Variants in CAMSAP2 observed in about 807,000 individuals in gnomAD.
CAMSAP2 encodes the protein calmodulin regulated spectrin associated protein family member 2.
CAMSAP2 carries 26 observed loss-of-function variants against 146.1 expected under a neutral mutation model. The observed-to-expected ratio is 0.18, with a 90% CI of 0.13 to 0.25. The LOEUF is 0.25. Ranked by LOEUF, CAMSAP2 falls within the 10% of genes least tolerant of loss-of-function variation. The pLI is 1.00. For missense variants in CAMSAP2, 1,381 were observed against 1,759.3 expected (o/e 0.78, Z 3.85); for synonymous variants, 499 against 596.6 (o/e 0.84, Z 2.38).
At chr1:200,835,238 G>T (rs1364349834) in intron 6 of CAMSAP2, among the ~76,000 whole-genome samples, 1 of 152,174 alleles carries the variant, frequency 6.6e-6, no homozygotes, top group African/African-American at 2.4e-5. Flanking sequence ...AAGAACTACA[G>T]AATGCAAGTG....
chr1:200,837,119 C>T (rs1334436554), intron 6 of CAMSAP2, among the ~76,000 whole-genome samples: 2 of 152,034 alleles, frequency 1.3e-5, no homozygotes, highest in African/African-American at 4.8e-5. Flanking sequence ...TCAATTTTTG[C>T]TTTTGTTGCA....
chr1:200,824,822 T>C (rs1666863401), intron 4 of CAMSAP2, among the ~76,000 whole-genome samples: 2 of 151,988 alleles, frequency 1.3e-5, no homozygotes, highest in African/African-American at 4.8e-5. Flanking sequence ...CTACCAAAAA[T>C]ACAAAAATTA....
chr1:200,853,403 GTCC>G lies in CAMSAP2; in HGVS notation c.3734_3736del (p.Pro1245del). On this transcript the variant is annotated inframe_deletion, in exon 13 of 17. Transcript: ENST00000358823. The surrounding 1 kb of genome is among the most constrained non-coding windows in gnomAD (Gnocchi z 5.1). The stretch of plus-strand genomic sequence containing the variant: ...GATATGGATACAGTAATTAAACCCC[GTCC>G]TCAAGTAGTAAAACAAAAAAAACAG... 1 of 1,613,730 alleles carries G rather than the reference GTCC, an allele frequency of 6.2e-7. No homozygotes were observed. The highest frequency in any genetic ancestry group is 1.1e-5 in the South Asian group (1 of 91,076).
At chr1:200,762,055 A>C (rs1277492806) in intron 2 of CAMSAP2, among the ~76,000 whole-genome samples, 1 of 152,230 alleles carries the variant, frequency 6.6e-6, no homozygotes, top group African/African-American at 2.4e-5. Flanking sequence ...TAAATCAAAG[A>C]GTAGTAGTTT....
At chr1:200,747,806 C>G (rs1257476342) in intron 1 of CAMSAP2, among the ~76,000 whole-genome samples, 1 of 152,014 alleles carries the variant, frequency 6.6e-6, no homozygotes, top group Non-Finnish European at 1.5e-5. Flanking sequence ...GTCAGGAGAT[C>G]GAGACCATCC....
chr1:200,846,008 A>AT (rs1667451399), intron 8 of CAMSAP2, among the ~76,000 whole-genome samples: 1 of 152,196 alleles, frequency 6.6e-6, no homozygotes, highest in African/African-American at 2.4e-5. Flanking sequence ...AGAACCTACA[A>AT]TTTATATTGA....
Position 200,816,735 on chromosome 1 carries a change from T to C in CAMSAP2, c.645+1091T>C, listed in dbSNP as rs1558190770. Among the ~76,000 whole-genome samples the C allele has an allele frequency of 2.8e-5, 3 of 108,318 alleles. 1 individual carries two copies. The South Asian group carries it at 9.9e-4, about 36-fold the overall frequency. The allele number at this position is 108,318 out of a possible 152,430, so 71.1% of individuals were successfully genotyped here. A position where few individuals can be genotyped will look rare whatever the true frequency, so the allele number is the denominator to read the frequency against. ...ATATACACACGCACATATATGTGTG[T>C]ACACACACACGCGTGTATATATGTG... On this transcript the variant is annotated intron_variant, in intron 4 of 16. Transcript: ENST00000358823.
intron 4 of CAMSAP2, among the ~76,000 whole-genome samples, chr1:200,830,955 T>G (rs1330829696): frequency 1.3e-5 from 2 of 152,188 alleles, no homozygotes; most frequent in Admixed American, 6.5e-5. Flanking sequence ...TTCTGAGAGA[T>G]AGCATTGAAA....
intron 1 of CAMSAP2, among the ~76,000 whole-genome samples, chr1:200,750,169 T>C (rs1381097649): frequency 1.3e-5 from 2 of 151,984 alleles, no homozygotes; most frequent in Non-Finnish European, 2.9e-5. Context: ...AATATAGTAA[T>C]TAAGATAAAA....
At chr1:200,772,747 T>G (rs116103795) in intron 2 of CAMSAP2, among the ~76,000 whole-genome samples, 425 of 152,330 alleles carry the variant, frequency 2.8e-3, no homozygotes, top group African/African-American at 9.4e-3. Flanking sequence ...AAAAATGTAT[T>G]TTCATTTTCA....
chr1:200,850,365 T>C, intron 11 of CAMSAP2, 131 bp downstream of exon 11: 1 of 709,966 alleles, frequency 1.4e-6, no homozygotes, highest in Non-Finnish European at 2.3e-6. Context: ...TCATCCCCAT[T>C]AACTATAGTA....
At chr1:200,817,186 AC>A in intron 4 of CAMSAP2, among the ~76,000 whole-genome samples, 1 of 80,228 alleles carries the variant, frequency 1.2e-5, no homozygotes, top group African/African-American at 6.8e-5. Context: ...ATACACACAC[AC>A]ACATGTGTGT....
At chr1:200,761,269 G>A (rs998289255) in intron 2 of CAMSAP2, among the ~76,000 whole-genome samples, 171 bp downstream of exon 2, 6 of 152,158 alleles carry the variant, frequency 3.9e-5, no homozygotes, top group Non-Finnish European at 7.3e-5. Context: ...AGATTTTAAC[G>A]ATTTTGGAAT....
rs747826272 is a variant in CAMSAP2, at chr1:200,844,750, T to C, written c.1022-32T>C. The C allele has an allele frequency of 2.4e-6, 3 of 1,275,852 alleles. No individual in the cohort carries two copies. In the South Asian group the frequency reaches 4.2e-5, roughly 18 times the overall value. The allele number at this position is 1,275,852 out of a possible 1,614,324, so 79.0% of individuals were successfully genotyped here. On this transcript the variant is annotated intron_variant, in intron 7 of 16. Transcript: ENST00000358823. ...GAATTTTTCATAGAAATATGCTAAT[T>C]TGAGGGTGTTTTTAAAAATCTTTTA...
At chr1:200,839,766 A>G (rs897266942) in intron 6 of CAMSAP2, among the ~76,000 whole-genome samples, 1 of 152,164 alleles carries the variant, frequency 6.6e-6, no homozygotes, top group Non-Finnish European at 1.5e-5. Context: ...TGCTTGGGTG[A>G]TGGGTGCACC....
rs1452922111 is a variant in CAMSAP2, at chr1:200,850,426, C to A, written c.3465+192C>A. Among the ~76,000 whole-genome samples, 3 of 152,058 alleles carry A rather than the reference C, an allele frequency of 2.0e-5. 1 individual carries two copies. The highest frequency in any genetic ancestry group is 4.1e-4 in the South Asian group (2 of 4,822). ...GTATGGACTCAAAGCTGTAATAAAT[C>A]CTTTTATCACATGTTTAGATGTATT... On this transcript the variant is annotated intron_variant, in intron 11 of 16. Transcript: ENST00000358823.
Position 200,739,979 on chromosome 1 carries a change from A to G in CAMSAP2, c.139+13A>G, listed in dbSNP as rs775539749. On this transcript the variant is annotated intron_variant, in intron 1 of 16. Coordinates refer to ENST00000358823, the MANE Select transcript of CAMSAP2 (RefSeq NM_203459.4). This position sits in a 1 kb window ranked among gnomAD's most constrained non-coding sequence, Gnocchi z 4.8. ...GCCTTTGGGACAGGTTAGTGGTGTC[A>G]CCCTTTCCCTCCCCTCTTCCTCCTG... The G allele has an allele frequency of 6.2e-7, 1 of 1,612,926 alleles. No homozygotes were observed. The highest frequency in any genetic ancestry group is 8.5e-7 in the Non-Finnish European group (1 of 1,179,544).
chr1:200,857,744 T>A lies in CAMSAP2; in HGVS notation c.4132-10T>A. ...GTGTTGTTATGTTGTTTTTGTTTTT[T>A]ATTTTAAAGGAAATGGAGAAATCAG... On this transcript the variant is annotated splice_polypyrimidine_tract_variant and intron_variant, in intron 16 of 16. Coordinates refer to ENST00000358823, the MANE Select transcript of CAMSAP2 (RefSeq NM_203459.4). This position sits in a 1 kb window ranked among gnomAD's most constrained non-coding sequence, Gnocchi z 4.7. The A allele has an allele frequency of 6.4e-7, 1 of 1,563,916 alleles. No homozygotes were observed. The highest frequency in any genetic ancestry group is 8.6e-7 in the Non-Finnish European group (1 of 1,161,746).
At chr1:200,798,458 GCT>G (rs1330599771) in intron 2 of CAMSAP2, among the ~76,000 whole-genome samples, 6 of 135,410 alleles carry the variant, frequency 4.4e-5, no homozygotes, top group Non-Finnish European at 4.7e-5. Context: ...TCATGATTTG[GCT>G]CTCTGTTTGT....
Sources: gnomAD v4.1 joint callset for allele counts (sites outside exome capture counted in the v4.1 genomes callset) on GRCh38, gnomAD v4.1.1 for gene constraint, Gnocchi (gnomAD v3.1) non-coding constraint, MANE v1.5 for transcripts, NCBI Gene and HGNC (gene_info 2026-07-23, HGNC 2026-07-21) for gene names.